EML4: variants seen among roughly 807,000 people sequenced by gnomAD.
EML4 encodes the protein echinoderm microtubule-associated protein-like 4.
In EML4, 72 loss-of-function variants were observed where a neutral mutation model predicts 129.0. The ratio of observed to expected loss-of-function variants is 0.56; its 90% CI spans 0.46 to 0.68. EML4 has a LOEUF of 0.68. Among genes scored for constraint, EML4 ranks in the 30% least tolerant of loss-of-function variants. The probability of loss-of-function intolerance (pLI) is 0.00; values close to 1 mark genes in which losing one functional copy is unlikely to be tolerated. For synonymous variants in EML4, 532 were observed against 405.0 expected (o/e 1.31, Z -3.77); for missense variants, 1,363 against 1,190.6 (o/e 1.14, Z -2.13).
intron 13 of EML4, among the ~76,000 whole-genome samples, chr2:42,298,125 C>T (rs139677588): frequency 1.3e-5 from 2 of 152,302 alleles, no homozygotes; most frequent in African/African-American, 2.4e-5. Flanking sequence ...ATTCTTAAGT[C>T]TTGCAAAGGA....
At chr2:42,316,912 T>C (rs1311501191) in intron 18 of EML4, among the ~76,000 whole-genome samples, 2 of 152,222 alleles carry the variant, frequency 1.3e-5, no homozygotes, top group Non-Finnish European at 2.9e-5. Context: ...TTTTATTGTT[T>C]TTTAGTGTTG....
chr2:42,176,860 C>T (rs1314094006), intron 1 of EML4, among the ~76,000 whole-genome samples: 1 of 152,130 alleles, frequency 6.6e-6, no homozygotes, highest in Non-Finnish European at 1.5e-5. Context: ...GTGGTATGAT[C>T]TCAGCTCACT....
At chr2:42,264,045 C>T (rs563116570) in intron 5 of EML4, among the ~76,000 whole-genome samples, 1 of 148,902 alleles carries the variant, frequency 6.7e-6, no homozygotes, top group African/African-American at 2.4e-5. Context: ...TGTTTTCTTT[C>T]AAGTCTTCTA....
intron 17 of EML4, 63 bp downstream of exon 17, chr2:42,304,614 T>C: frequency 8.1e-7 from 1 of 1,230,706 alleles, no homozygotes; most frequent in Non-Finnish European, 1.2e-6. Context: ...TATTCAGGAA[T>C]GTTCTCAATC....
chr2:42,263,034 C>A (rs1665832095), intron 4 of EML4, 144 bp from the exon 5 acceptor site: 2 of 642,158 alleles, frequency 3.1e-6, no homozygotes, highest in African/African-American at 1.9e-5. Context: ...CTTCACTCAT[C>A]CAGGCAGTCT....
rs1315353058 is a variant in EML4 at position 42,328,958 on chromosome 2, C to T, written c.2414C>T (p.Ala805Val). Reference sequence around the variant, plus strand: ...CGATCCCACAATAGAAAGGTGATAGCTGTTGCCGATGACTTTTGTAAAGTC... The same window carrying T: ...CGATCCCACAATAGAAAGGTGATAGTTGTTGCCGATGACTTTTGTAAAGTC... ...LVRSHNRKVI[A>V]VADDFCKVHL... The change falls in exon 22 of 23, where the codon GCT (alanine) becomes GTT (valine). Residue 805 changes from alanine to valine, a missense_variant. Physicochemically the swap from Ala to Val is moderately conservative, Grantham distance 64. Coordinates refer to ENST00000318522, the MANE Select transcript of EML4 (RefSeq NM_019063.5). 3 of 1,613,454 alleles carry T rather than the reference C, an allele frequency of 1.9e-6. No individual in the cohort carries two copies. Among genetic ancestry groups the T allele is most frequent in the Admixed American group, 3.3e-5 (2 of 59,998 alleles).
At chr2:42,170,051 C>T (rs1449656269) in intron 1 of EML4, 1 of 164,528 alleles carries the variant, frequency 6.1e-6, no homozygotes, top group Non-Finnish European at 1.3e-5. Flanking sequence ...ACATACACGC[C>T]TCTCTTTCAG....
chr2:42,297,470 C>G (rs1367025802), intron 13 of EML4, among the ~76,000 whole-genome samples: 1 of 152,172 alleles, frequency 6.6e-6, no homozygotes, highest in Non-Finnish European at 1.5e-5. Context: ...TATGCACAAA[C>G]AGGAAACAGG....
At chr2:42,180,979 C>G (rs898815477) in intron 1 of EML4, among the ~76,000 whole-genome samples, 2 of 152,138 alleles carry the variant, frequency 1.3e-5, no homozygotes, top group Non-Finnish European at 2.9e-5. Flanking sequence ...TGATTAGATT[C>G]AAATTATGCA....
intron 1 of EML4, among the ~76,000 whole-genome samples, chr2:42,187,204 C>T (rs774588961): frequency 1.4e-4 from 22 of 151,794 alleles, no homozygotes; most frequent in South Asian, 6.3e-4. Flanking sequence ...CCACCGTGCC[C>T]GGCTAATTTT....
At chr2:42,189,993 T>G (rs1369350930) in intron 1 of EML4, among the ~76,000 whole-genome samples, 1 of 152,008 alleles carries the variant, frequency 6.6e-6, no homozygotes, top group Non-Finnish European at 1.5e-5. Context: ...TCATCAAAAT[T>G]GGGCTCTTTT....
In EML4 at chr2:42,169,423, G is replaced by A. The variant is rs1212778784; in HGVS notation, c.-189G>A. The A allele has an allele frequency of 5.9e-6, 3 of 506,858 alleles. No homozygotes were observed. The highest frequency in any genetic ancestry group is 2.0e-5 in the African/African-American group (1 of 49,516). The allele number at this position is 506,858 out of a possible 1,614,324, so 31.4% of individuals were successfully genotyped here. On this transcript the variant is annotated 5_prime_UTR_variant, in exon 1 of 23. Transcript: ENST00000318522. ...TGAGCGGCGCGGCTCTCAACGTGAC[G>A]GGGAAGTGGTTCGGGCGGCCGCGGC...
At chr2:42,201,587 A>G (rs1386954869) in intron 1 of EML4, among the ~76,000 whole-genome samples, 1 of 152,220 alleles carries the variant, frequency 6.6e-6, no homozygotes, top group Non-Finnish European at 1.5e-5. Flanking sequence ...TAGCAAGGAT[A>G]TGGAAACCAT....
chr2:42,251,929 C>A (rs1208866928), intron 2 of EML4, among the ~76,000 whole-genome samples: 2 of 152,178 alleles, frequency 1.3e-5, no homozygotes, highest in South Asian at 4.1e-4. Context: ...CAGGGACAGT[C>A]ACTAACATAG....
At position 42,232,027 on chromosome 2, in the gene EML4, T is replaced by C. The variant is rs547214904; in HGVS notation, c.26-13478T>C. 3.3e-5 allele frequency among the ~76,000 whole-genome samples: 5 copies of C among 152,266 alleles called. No individual in the cohort carries two copies. In the South Asian group the frequency reaches 1.0e-3, roughly 32 times the overall value. ...ATTTTTTTTTTAAATTCTCAGCACT[T>C]TGAAAATTTTTTATATACAGTAGTA... On this transcript the variant is annotated intron_variant, in intron 1 of 22. Transcript: ENST00000318522.
At chr2:42,283,279 C>T (rs1667115386) in intron 8 of EML4, among the ~76,000 whole-genome samples, 1 of 152,138 alleles carries the variant, frequency 6.6e-6, no homozygotes, top group African/African-American at 2.4e-5. Flanking sequence ...ACAGACTGGA[C>T]ATTTTCAGGT....
At chr2:42,272,531 C>T (rs1018970446) in intron 6 of EML4, among the ~76,000 whole-genome samples, 2 of 152,090 alleles carry the variant, frequency 1.3e-5, no homozygotes, top group African/African-American at 4.8e-5. Flanking sequence ...GATCTGCCCA[C>T]CTTGGCCTCC....
intron 8 of EML4, among the ~76,000 whole-genome samples, chr2:42,283,749 A>G (rs977062578): frequency 1.3e-5 from 2 of 152,212 alleles, no homozygotes; most frequent in African/African-American, 4.8e-5. Context: ...AAAACTATTT[A>G]CTGCAGCATT....
chr2:42,296,476 C>CG (rs1667961557), intron 13 of EML4, among the ~76,000 whole-genome samples: 5 of 99,958 alleles, frequency 5.0e-5, no homozygotes, highest in Admixed American at 3.5e-4. Flanking sequence ...ACACCTTATA[C>CG]TTCTCTCTCT....
Sources: gnomAD v4.1 joint callset for allele counts (sites outside exome capture counted in the v4.1 genomes callset) on GRCh38, gnomAD v4.1.1 for gene constraint, MANE v1.5 for transcripts, NCBI Gene and HGNC (gene_info 2026-07-23, HGNC 2026-07-21) for gene names.